The following TLR6 variants were observed in gnomAD, a reference collection of about 807,000 sequenced individuals.
TLR6 encodes the protein toll-like receptor 6.
A neutral mutation model predicts 16.1 loss-of-function variants in TLR6; 9 were observed. The ratio of observed to expected loss-of-function variants is 0.56; its 90% confidence interval spans 0.34 to 0.98. TLR6 has a LOEUF of 0.98. Among genes scored for constraint, TLR6 ranks in the 50% least tolerant of loss-of-function variants. TLR6 has a pLI of 0.02. For missense variants in TLR6, 786 were observed against 921.0 expected, an observed-to-expected ratio of 0.85 and a Z score of 1.90; for synonymous variants, 340 against 338.6, an observed-to-expected ratio of 1.00 and a Z score of -0.04.
the TLR6 span, among the ~76,000 whole-genome samples, chr4:38,862,017 C>T: frequency 2.6e-5 from 4 of 152,282 alleles, no homozygotes; most frequent in Admixed American, 1.3e-4. Context: ...CATTCTCACG[C>T]GATGATGCTT....
chr4:38,827,404 G>A (rs148531946), exon 2 of TLR6: 55 of 1,614,088 alleles, frequency 3.4e-5, no homozygotes, highest in Non-Finnish European at 4.2e-5. Flanking sequence ...TCTCAATGCA[G>A]TTGATGATAT....
At chr4:38,856,859 C>T (rs1206305460), upstream of TLR6, 4 of 152,082 alleles carry the variant, frequency 2.6e-5, no homozygotes, top group Non-Finnish European at 4.4e-5. Context: ...TTGAGTAAAG[C>T]GGTACCTTAG....
chr4:38,861,858 T>C, the TLR6 span, among the ~76,000 whole-genome samples: 1 of 152,190 alleles, frequency 6.6e-6, no homozygotes, highest in South Asian at 2.1e-4. Flanking sequence ...TCTAAATCCA[T>C]GCATTGTCAT....
Position 38,837,825 on chromosome 4 carries a change from G to A in TLR6, c.-64-8288C>T, listed in dbSNP as rs528095508. ...GAATAGATAACAGGGTTAAATGGGC[G>A]AAAATATTTGCAAACTATTCATCCA... On this transcript the variant is annotated intron_variant, in intron 1 of 1. Coordinates refer to ENST00000436693, the Ensembl canonical transcript of TLR6. 1.8e-4 allele frequency among the ~76,000 whole-genome samples: 27 copies of A among 152,180 alleles called. No individual in the cohort carries two copies. The East Asian group carries it at 1.9e-3, about 11-fold the overall frequency.
chr4:38,850,457 G>C (rs1347456006), intron 1 of TLR6, among the ~76,000 whole-genome samples: 1 of 152,084 alleles, frequency 6.6e-6, no homozygotes, highest in African/African-American at 2.4e-5. Flanking sequence ...TTTTTGAAAA[G>C]ATCAACAAAA....
intron 1 of TLR6, among the ~76,000 whole-genome samples, chr4:38,856,074 A>G (rs1006493958): frequency 8.5e-5 from 13 of 152,232 alleles, no homozygotes; most frequent in Admixed American, 3.3e-4. Context: ...CAAGAAAAAC[A>G]TTGTTTCATT....
At chr4:38,826,659 G>A (rs937705907) in exon 2 of TLR6, 1 of 155,802 alleles carries the variant, frequency 6.4e-6, no homozygotes, top group African/African-American at 2.4e-5. Context: ...CCAAGCCCCA[G>A]ACTTGAAGAG....
At chr4:38,844,627 A>G (rs1712438557) in intron 1 of TLR6, among the ~76,000 whole-genome samples, 1 of 152,240 alleles carries the variant, frequency 6.6e-6, no homozygotes, top group African/African-American at 2.4e-5. Context: ...AAGTCTCTAG[A>G]GTTCATAGAG....
At chr4:38,823,221 T>C (rs1727396236), downstream of TLR6, among the ~76,000 whole-genome samples, 1 of 152,210 alleles carries the variant, frequency 6.6e-6, no homozygotes, top group Non-Finnish European at 1.5e-5. Context: ...TGTACCATTT[T>C]TTATCTTCTT....
chr4:38,828,025 A>C (rs904131342), exon 2 of TLR6: 1 of 1,614,108 alleles, frequency 6.2e-7, no homozygotes, highest in Non-Finnish European at 8.5e-7. Flanking sequence ...CAGTTAAAGA[A>C]TTGAAAGCAA....
chr4:38,823,099 AC>A (rs1727392742), downstream of TLR6, among the ~76,000 whole-genome samples: 1 of 152,050 alleles, frequency 6.6e-6, no homozygotes, highest in Non-Finnish European at 1.5e-5. Flanking sequence ...ACAGGAAAAG[AC>A]CCGCCCCCAT....
chr4:38,846,357 A>C (rs6531674), intron 1 of TLR6, among the ~76,000 whole-genome samples: 89,857 of 151,940 alleles, frequency 0.59, 27,884 homozygotes, highest in African/African-American at 0.79. Context: ...CAGAAAGAGG[A>C]GAGATTCTTT....
intron 1 of TLR6, among the ~76,000 whole-genome samples, chr4:38,837,621 G>T (rs1712001025): frequency 6.6e-6 from 1 of 152,180 alleles, no homozygotes; most frequent in African/African-American, 2.4e-5. Context: ...AGACTTAAAT[G>T]TAAGACTTGA....
chr4:38,863,536 C>T, the TLR6 span, among the ~76,000 whole-genome samples: 1 of 152,200 alleles, frequency 6.6e-6, no homozygotes, highest in Non-Finnish European at 1.5e-5. Context: ...AAACCTGCCC[C>T]CTCTTGCATC....
At chr4:38,849,675 C>T (rs55750794) in intron 1 of TLR6, among the ~76,000 whole-genome samples, 22,383 of 142,556 alleles carry the variant, frequency 0.16, 2,200 homozygotes, top group Middle Eastern at 0.4. Context: ...TCAAAAGAGA[C>T]AAAGAAGGCC....
chr4:38,853,123 C>G (rs1231448128), intron 1 of TLR6, among the ~76,000 whole-genome samples: 1 of 148,936 alleles, frequency 6.7e-6, no homozygotes, highest in Non-Finnish European at 1.5e-5. Flanking sequence ...CGTAAACTAT[C>G]GCAAGGACAA....
At chr4:38,839,941 C>A (rs570899222) in intron 1 of TLR6, among the ~76,000 whole-genome samples, 48 of 152,246 alleles carry the variant, frequency 3.2e-4, no homozygotes, top group African/African-American at 1.1e-3. Flanking sequence ...GATTATAATC[C>A]CGAAAGACAC....
chr4:38,842,283 G>T (rs1448950622), intron 1 of TLR6, among the ~76,000 whole-genome samples: 3 of 152,186 alleles, frequency 2.0e-5, no homozygotes, highest in Non-Finnish European at 2.9e-5. Context: ...GGACTGGAAT[G>T]AGGCTATATT....
intron 1 of TLR6, among the ~76,000 whole-genome samples, chr4:38,851,129 C>A (rs1203804558): frequency 1.3e-5 from 2 of 152,114 alleles, no homozygotes; most frequent in Admixed American, 6.5e-5. Context: ...AAGACAAAAA[C>A]CACATGATTA....
Sources: allele counts gnomAD v4.1 joint callset (sites outside exome capture counted in the v4.1 genomes callset), GRCh38; gene constraint gnomAD v4.1.1; transcripts MANE v1.5; gene names NCBI Gene and HGNC (gene_info 2026-07-23, HGNC 2026-07-21).